MYOF: variants seen among roughly 807,000 people sequenced by gnomAD.
The protein encoded by MYOF is fer-1-like 3, myoferlin.
MYOF carries 244 observed loss-of-function variants against 284.2 expected under a neutral mutation model. The observed-to-expected ratio is 0.86, with a 90% CI of 0.77 to 0.95. The LOEUF is 0.95. Among genes scored for constraint, MYOF ranks in the 40% least tolerant of loss-of-function variants. The pLI, the probability that MYOF is intolerant of heterozygous loss-of-function variation, is 0.00. For synonymous variants in MYOF, 904 were observed against 919.7 expected (o/e 0.98, Z 0.31); for missense variants, 2,496 against 2,560.6 (o/e 0.97, Z 0.54).
intron 44 of MYOF, among the ~76,000 whole-genome samples, 181 bp from the exon 45 acceptor site, chr10:93,329,092 G>T (rs1326667880): frequency 6.6e-6 from 1 of 152,002 alleles, no homozygotes; most frequent in Non-Finnish European, 1.5e-5. Context: ...ATGCTATTTT[G>T]GCCTCAGAGA....
chr10:93,440,264 T>C (rs976207635), intron 3 of MYOF, among the ~76,000 whole-genome samples: 1 of 151,992 alleles, frequency 6.6e-6, no homozygotes, highest in Admixed American at 6.6e-5. Flanking sequence ...ATAAAAAAAT[T>C]AGTCGGGCGT....
chr10:93,394,448 C>CTTTTTTTT lies in MYOF; in HGVS notation c.1418-1501_1418-1494dup. Among the ~76,000 whole-genome samples, 90 of 28,702 alleles carry CTTTTTTTT rather than the reference C, an allele frequency of 3.1e-3. 28 individuals carry two copies. Among genetic ancestry groups the CTTTTTTTT allele is most frequent in the East Asian group, 4.9e-3 (4 of 812 alleles). 18.8% of individuals were successfully genotyped at this position (28,702 alleles called of 152,430 possible). ...ATATCTCCTTTGGTCACCATCTTGT[C>CTTTTTTTT]TTTTTTTTTTTTTTTTTTTTTTTTT... is the stretch of plus-strand genomic sequence containing the variant. On this transcript the variant is annotated intron_variant, in intron 16 of 53. Coordinates refer to ENST00000359263, the MANE Select transcript of MYOF (RefSeq NM_013451.4).
intron 41 of MYOF, among the ~76,000 whole-genome samples, chr10:93,335,103 A>C (rs1455520030): frequency 1.3e-5 from 2 of 152,196 alleles, no homozygotes; most frequent in Non-Finnish European, 2.9e-5. Flanking sequence ...TGCCCGAAGC[A>C]ATCAGGGAAC....
Position 93,333,262 on chromosome 10 carries a change from T to C in MYOF, c.4770A>G (p.Arg1590=). 6.2e-7 allele frequency: 1 copy of C among 1,614,224 alleles called. No homozygotes were observed. The highest frequency in any genetic ancestry group is 8.5e-7 in the Non-Finnish European group (1 of 1,180,040). The change falls in exon 43 of 54, where the codon CGA becomes CGG. Residue 1590 remains arginine (R), a synonymous_variant. Transcript: ENST00000359263. ...ITLGKKVIED[R]DHYIPNTLNP... is the part of the protein sequence containing the mutation. The stretch of plus-strand genomic sequence containing the variant: ...TGAGAGTGTTGGGAATGTAGTGATC[T>C]CGGTCTTCAATGACTTTTTTGCCCA...
chr10:93,449,969 C>T (rs2056544357), intron 3 of MYOF, among the ~76,000 whole-genome samples: 1 of 152,072 alleles, frequency 6.6e-6, no homozygotes, highest in Admixed American at 6.6e-5. Flanking sequence ...ACCCCAATAA[C>T]TGGAGTGACC....
intron 17 of MYOF, among the ~76,000 whole-genome samples, chr10:93,389,690 G>A (rs563545318): frequency 2.0e-5 from 3 of 152,178 alleles, no homozygotes; most frequent in Non-Finnish European, 2.9e-5. Flanking sequence ...ATTCATAAAT[G>A]ACATGAAGAT....
intron 1 of MYOF, among the ~76,000 whole-genome samples, chr10:93,471,360 C>G (rs1414982391): frequency 2.0e-5 from 3 of 151,238 alleles, no homozygotes; most frequent in South Asian, 2.1e-4. Flanking sequence ...ACACTTTCTT[C>G]CTTTTTCAGA....
At position 93,404,189 on chromosome 10, in the gene MYOF, A is replaced by G. The variant is rs1847436477; in HGVS notation, c.760T>C (p.Ser254Pro). ...LFFYNVNMTPSELMDEIISIR... is the reference protein window; with the variant it reads ...LFFYNVNMTPPELMDEIISIR... Reference sequence around the variant, plus strand: ...CTGATGATCTCATCCATCAATTCAGAAGGGGTCATGTTGACATTGTAGAAA... The same window carrying G: ...CTGATGATCTCATCCATCAATTCAGGAGGGGTCATGTTGACATTGTAGAAA... Residue 254 changes from serine to proline, a missense_variant, in exon 8 of 54, where the codon TCT becomes CCT. Transcript: ENST00000359263. 1 of 1,614,164 alleles carries G rather than the reference A, an allele frequency of 6.2e-7. No individual in the cohort carries two copies.
Position 93,307,019 on chromosome 10 carries a change from A to G in MYOF, c.6148-18T>C, listed in dbSNP as rs1469594281. 1.2e-6 allele frequency: 2 copies of G among 1,607,194 alleles called. No individual in the cohort carries two copies. The highest frequency in any genetic ancestry group is 1.7e-6 in the Non-Finnish European group (2 of 1,174,848). Reference sequence around the variant, plus strand: ...AAATAGTTCTGGAAAGGAAACAAAAACAGTGGTAAAAAAACATGTATGTAT... The same window carrying G: ...AAATAGTTCTGGAAAGGAAACAAAAGCAGTGGTAAAAAAACATGTATGTAT... On this transcript the variant is annotated intron_variant, in intron 53 of 53. Transcript: ENST00000359263.
intron 53 of MYOF, among the ~76,000 whole-genome samples, chr10:93,309,335 T>C (rs1264480436): frequency 6.6e-6 from 1 of 152,194 alleles, no homozygotes; most frequent in Non-Finnish European, 1.5e-5. Context: ...TAGCCTGTCG[T>C]AGATGCGCAA....
At chr10:93,308,400 C>A (rs1842227378) in intron 53 of MYOF, among the ~76,000 whole-genome samples, 1 of 151,492 alleles carries the variant, frequency 6.6e-6, no homozygotes. Flanking sequence ...GCCTGGCCAA[C>A]ATGGTGAAAC....
intron 48 of MYOF, among the ~76,000 whole-genome samples, chr10:93,320,714 A>C (rs1386026215): frequency 6.6e-6 from 1 of 152,114 alleles, no homozygotes. Flanking sequence ...CCCAGAAAGA[A>C]GTTGTTGCTA....
intron 53 of MYOF, 82 bp downstream of exon 53, chr10:93,309,938 G>C (rs1842306772): frequency 1.3e-6 from 2 of 1,550,942 alleles, no homozygotes; most frequent in Non-Finnish European, 1.8e-6. Flanking sequence ...CTTCTGCACA[G>C]TGGTCAGGGC....
intron 1 of MYOF, among the ~76,000 whole-genome samples, chr10:93,461,364 C>T (rs1334349914): frequency 6.6e-6 from 1 of 152,170 alleles, no homozygotes; most frequent in East Asian, 1.9e-4. Context: ...CAAAAATACC[C>T]AAGACATGGT....
chr10:93,391,366 G>C (rs1223523601), intron 17 of MYOF, among the ~76,000 whole-genome samples: 1 of 152,102 alleles, frequency 6.6e-6, no homozygotes, highest in Non-Finnish European at 1.5e-5. Context: ...TGAGGCAGAC[G>C]GATCACCTGA....
intron 20 of MYOF, 149 bp downstream of exon 20, chr10:93,381,070 A>G (rs1846086818): frequency 2.2e-6 from 2 of 908,912 alleles, no homozygotes; most frequent in Admixed American, 2.8e-5. Flanking sequence ...CCTGAACCCC[A>G]ACCACACTCT....
intron 3 of MYOF, among the ~76,000 whole-genome samples, chr10:93,450,169 A>G (rs788105): frequency 0.78 from 118,686 of 151,990 alleles, 46,444 homozygotes; most frequent in African/African-American, 0.82. Context: ...CGAGGCAGGC[A>G]GATCATGAGG....
At chr10:93,401,295 A>G (rs1847281490) in intron 12 of MYOF, 123 bp downstream of exon 12, 6 of 1,372,878 alleles carry the variant, frequency 4.4e-6, no homozygotes, top group African/African-American at 1.5e-5. Context: ...AAATAAGCCC[A>G]TGAAGCCCTT....
At position 93,340,026 on chromosome 10, in the gene MYOF, G is replaced by A; in HGVS notation, c.4338+127C>T. On this transcript the variant is annotated intron_variant, in intron 39 of 53. Transcript: ENST00000359263. ...CCCCGGGGGGCGGAGCCTGCAGTGA[G>A]CCAAGATCGCGCCACTGCACTCCAG... 7.0e-6 allele frequency: 7 copies of A among 997,332 alleles called. No individual in the cohort carries two copies. The South Asian group carries it at 1.0e-4, about 15-fold the overall frequency. 61.8% of individuals were successfully genotyped at this position (997,332 alleles called of 1,614,324 possible). A position where few individuals can be genotyped will look rare whatever the true frequency, so the allele number is the denominator to read the frequency against.
Sources: gnomAD v4.1 joint callset for allele counts (sites outside exome capture counted in the v4.1 genomes callset) on GRCh38, gnomAD v4.1.1 for gene constraint, MANE v1.5 for transcripts, NCBI Gene and HGNC (gene_info 2026-07-23, HGNC 2026-07-21) for gene names.